TENM1: variants seen among roughly 807,000 people sequenced by gnomAD.
The protein encoded by TENM1 is teneurin transmembrane protein 1.
TENM1 carries 35 observed loss-of-function variants against 174.8 expected under a neutral mutation model. The ratio of observed to expected loss-of-function variants is 0.20; its 90% CI spans 0.15 to 0.27. The LOEUF (loss-of-function observed/expected upper bound fraction) is 0.27, where lower values mean the gene tolerates loss of function less well. Ranked by LOEUF, TENM1 falls within the 10% of genes least tolerant of loss-of-function variation. The pLI is 1.00. For synonymous variants in TENM1, 781 were observed against 798.7 expected (o/e 0.98, Z 0.37); for missense variants, 1,633 against 2,130.1 (o/e 0.77, Z 4.59).
At chrX:124,939,013 A>G (rs758106203) in intron 1 of TENM1, among the ~76,000 whole-genome samples, 1 of 111,889 alleles carries the variant, frequency 8.9e-6, no homozygotes, top group Admixed American at 9.5e-5. Flanking sequence ...TTAAAAAGGG[A>G]GGCGGGGAGA....
intron 3 of TENM1, among the ~76,000 whole-genome samples, chrX:124,865,136 A>G (rs959035031): frequency 8.9e-6 from 1 of 111,929 alleles, no homozygotes. Context: ...AATCAGAAAG[A>G]AGAGGACATT....
intron 3 of TENM1, among the ~76,000 whole-genome samples, chrX:124,777,038 C>G (rs959474607): frequency 8.1e-5 from 9 of 111,375 alleles, no homozygotes; most frequent in Non-Finnish European, 1.3e-4. Context: ...TAAAATATTG[C>G]TTTAAGAAAG....
At chrX:125,069,070 TG>T in the TENM1 span, among the ~76,000 whole-genome samples, 1 of 111,284 alleles carries the variant, frequency 9.0e-6, no homozygotes, top group Admixed American at 9.6e-5. Context: ...ATGGGAATGA[TG>T]GGGGGGTTGA....
chrX:124,653,520 C>A, intron 7 of TENM1, 64 bp downstream of exon 10: 2 of 967,083 alleles, frequency 2.1e-6, no homozygotes, highest in Non-Finnish European at 2.9e-6. Flanking sequence ...AAGTCACAAA[C>A]CCTGAACTGT....
rs758266943 is a variant in TENM1, at chrX:124,407,110, A to G, written c.4983-621T>C. Among the ~76,000 whole-genome samples, 3 of 111,058 alleles carry G rather than the reference A, an allele frequency of 2.7e-5. No individual in the cohort carries two copies. The South Asian group carries it at 1.2e-3, about 43-fold the overall frequency. On this transcript the variant is annotated intron_variant, in intron 25 of 31. Transcript: ENST00000422452. The stretch of plus-strand genomic sequence containing the variant: ...TTTAAAAATCTTTTTAGGGTATAGT[A>G]CATAAGGTTTTGTAATTTGTCTATA...
At chrX:125,064,146 A>T in the TENM1 span, among the ~76,000 whole-genome samples, 2 of 74,857 alleles carry the variant, frequency 2.7e-5, no homozygotes, top group Non-Finnish European at 4.9e-5. Context: ...GACATCACAC[A>T]CCGGGGCCGT....
At chrX:124,453,836 C>A (rs916971584) in intron 22 of TENM1, among the ~76,000 whole-genome samples, 2 of 111,125 alleles carry the variant, frequency 1.8e-5, no homozygotes, top group African/African-American at 6.6e-5. Flanking sequence ...ATGTATATTA[C>A]ATTTTTTTTT....
chrX:124,762,979 A>G (rs1014700595), intron 3 of TENM1, among the ~76,000 whole-genome samples: 1 of 111,587 alleles, frequency 9.0e-6, no homozygotes, highest in African/African-American at 3.3e-5. Flanking sequence ...GATTACAGAA[A>G]TAAATCTGCC....
chrX:124,786,335 G>A (rs1211541738), intron 3 of TENM1, among the ~76,000 whole-genome samples: 2 of 111,235 alleles, frequency 1.8e-5, no homozygotes, highest in African/African-American at 6.5e-5. Flanking sequence ...TAAATAACTG[G>A]TGCTCTGTTA....
At chrX:124,473,471 C>T (rs1457777066) in intron 22 of TENM1, among the ~76,000 whole-genome samples, 1 of 111,335 alleles carries the variant, frequency 9.0e-6, no homozygotes, top group East Asian at 2.8e-4. Flanking sequence ...TTTTGGCTAG[C>T]GATCTTAAAT....
At chrX:124,863,163 T>A (rs938330333) in intron 3 of TENM1, among the ~76,000 whole-genome samples, 4 of 110,206 alleles carry the variant, frequency 3.6e-5, no homozygotes, top group African/African-American at 1.3e-4. Flanking sequence ...TGAGACTTGC[T>A]GGTTTCAGGT....
At chrX:125,017,059 T>G in the TENM1 span, among the ~76,000 whole-genome samples, 1 of 111,243 alleles carries the variant, frequency 9.0e-6, no homozygotes, top group Non-Finnish European at 1.9e-5. Context: ...ATACAAAACT[T>G]AACTCAAGAT....
chrX:125,139,437 T>C, the TENM1 span, among the ~76,000 whole-genome samples: 1 of 111,439 alleles, frequency 9.0e-6, no homozygotes, highest in African/African-American at 3.3e-5. Flanking sequence ...TCTGCTGATA[T>C]TGTGCAGAAG....
the TENM1 span, among the ~76,000 whole-genome samples, chrX:125,109,491 G>A: frequency 9.0e-6 from 1 of 110,745 alleles, no homozygotes; most frequent in African/African-American, 3.3e-5. Flanking sequence ...ATTAAGCCCA[G>A]CACCCATTAG....
chrX:124,807,244 T>C (rs2055625551), intron 3 of TENM1, among the ~76,000 whole-genome samples: 1 of 111,905 alleles, frequency 8.9e-6, no homozygotes, highest in Non-Finnish European at 1.9e-5. Flanking sequence ...GGGGATTACA[T>C]TTCAACATGA....
chrX:124,596,293 T>C (rs1350022824), intron 11 of TENM1, among the ~76,000 whole-genome samples: 1 of 112,343 alleles, frequency 8.9e-6, no homozygotes, highest in Non-Finnish European at 1.9e-5. Flanking sequence ...CTCTTAGATA[T>C]CTTCTATCCA....
At chrX:124,703,660 C>T (rs1335290175) in intron 5 of TENM1, among the ~76,000 whole-genome samples, 1 of 111,455 alleles carries the variant, frequency 9.0e-6, no homozygotes, top group Non-Finnish European at 1.9e-5. Flanking sequence ...TTATATTATT[C>T]CTTGTTCTCA....
chrX:124,489,968 C>T (rs1034133431), intron 20 of TENM1, among the ~76,000 whole-genome samples: 5 of 111,507 alleles, frequency 4.5e-5, no homozygotes, highest in African/African-American at 1.6e-4. Flanking sequence ...AGACTACCTT[C>T]CCCCATGCTC....
intron 4 of TENM1, among the ~76,000 whole-genome samples, chrX:124,711,203 A>T (rs749349673): frequency 2.8e-4 from 31 of 109,725 alleles, no homozygotes; most frequent in Admixed American, 1.3e-3. Context: ...TAAAGAAATT[A>T]AAAAAAAAAT....
Sources: gnomAD v4.1 joint callset for allele counts (sites outside exome capture counted in the v4.1 genomes callset) on GRCh38, gnomAD v4.1.1 for gene constraint, MANE v1.5 for transcripts, NCBI Gene and HGNC (gene_info 2026-07-23, HGNC 2026-07-21) for gene names.